Variants in HEATR5B observed in about 807,000 individuals in gnomAD.
HEATR5B encodes HEAT repeat containing 5B.
In HEATR5B, 156 loss-of-function variants were observed where a neutral mutation model predicts 224.1. The observed-to-expected ratio is 0.70, with a 90% CI of 0.61 to 0.80. The LOEUF is 0.80. HEATR5B is among the 30% of genes least tolerant of loss of function. HEATR5B has a pLI of 0.00. For missense variants in HEATR5B, 2,323 were observed against 2,535.5 expected, an observed-to-expected ratio of 0.92 and a Z score of 1.80; for synonymous variants, 1,027 against 893.0, an observed-to-expected ratio of 1.15 and a Z score of -2.68.
In HEATR5B at chr2:37,079,336, T is replaced by C. The variant is rs1249654181; in HGVS notation, c.127-5A>G. 1.3e-6 allele frequency: 2 copies of C among 1,548,766 alleles called. No individual in the cohort carries two copies. The highest frequency in any genetic ancestry group is 1.4e-5 in the African/African-American group (1 of 72,070). ...CTGTTTTTCCTTTACATCGGTCTGT[T>C]ACAAAAAAAATTTTTAAAAGAACAT... On this transcript the variant is annotated splice_region_variant and splice_polypyrimidine_tract_variant and intron_variant, in intron 2 of 35. Coordinates refer to ENST00000233099, the MANE Select transcript of HEATR5B (RefSeq NM_019024.3).
rs750667165 is a variant in HEATR5B, at chr2:37,008,644, G to A, written c.4489C>T (p.Pro1497Ser). 10 of 1,614,042 alleles carry A rather than the reference G, an allele frequency of 6.2e-6. No individual in the cohort carries two copies. The highest frequency in any genetic ancestry group is 8.5e-6 in the Non-Finnish European group (10 of 1,179,930). ...ALKDYALLTL[P>S]AEFSSQLPPD... ...GGAAGCTGACTAGAAAATTCGGCTG[G>A]TAAAGTCAAGAGTGCATAATCTTTT... The change falls in exon 28 of 36, where the codon CCA becomes TCA. Residue 1497 changes from proline (P) to serine (S), a missense_variant. By Grantham distance (74) the Pro-to-Ser change is moderately conservative. Around this residue, in one of 12 missense-constraint regions of HEATR5B, gnomAD observed 844 missense variants for 812.9 expected, o/e 1.04. Coordinates refer to ENST00000233099, the MANE Select transcript of HEATR5B (RefSeq NM_019024.3).
intron 11 of HEATR5B, among the ~76,000 whole-genome samples, chr2:37,061,513 A>G (rs1364105505): frequency 6.6e-6 from 1 of 152,224 alleles, no homozygotes; most frequent in Non-Finnish European, 1.5e-5. Context: ...TTTTGCCTAC[A>G]ATGCAGATTT....
intron 24 of HEATR5B, among the ~76,000 whole-genome samples, chr2:37,023,888 C>A (rs1043326645): frequency 1.3e-5 from 2 of 152,030 alleles, no homozygotes; most frequent in African/African-American, 4.8e-5. Context: ...TGCTTCCTCA[C>A]CTATAGGAAG....
intron 27 of HEATR5B, among the ~76,000 whole-genome samples, chr2:37,012,641 C>T (rs1336511264): frequency 2.6e-5 from 4 of 152,150 alleles, no homozygotes; most frequent in East Asian, 1.9e-4. Context: ...CCGCCTGCCT[C>T]GGCCTCCCAA....
intron 9 of HEATR5B, among the ~76,000 whole-genome samples, chr2:37,065,199 G>A (rs1671516937): frequency 6.6e-6 from 1 of 152,022 alleles, no homozygotes; most frequent in Non-Finnish European, 1.5e-5. Context: ...CAATATTGAT[G>A]TAAAATTTAA....
chr2:37,050,615 T>C (rs1670477314), intron 17 of HEATR5B, among the ~76,000 whole-genome samples: 1 of 152,226 alleles, frequency 6.6e-6, no homozygotes, highest in South Asian at 2.1e-4. Context: ...TCAGAATCAA[T>C]GGCAAATATT....
At chr2:37,037,438 T>C (rs1238994434) in intron 21 of HEATR5B, among the ~76,000 whole-genome samples, 1 of 151,922 alleles carries the variant, frequency 6.6e-6, no homozygotes, top group Non-Finnish European at 1.5e-5. Context: ...CCACAGCGCC[T>C]GGCCCAAATG....
intron 27 of HEATR5B, among the ~76,000 whole-genome samples, chr2:37,012,383 T>A (rs1372665087): frequency 6.6e-6 from 1 of 152,170 alleles, no homozygotes; most frequent in Non-Finnish European, 1.5e-5. Context: ...TGCAGTTTTT[T>A]AATTAATTAA....
intron 33 of HEATR5B, among the ~76,000 whole-genome samples, chr2:36,994,094 T>C (rs1477667226): frequency 6.6e-6 from 1 of 152,190 alleles, no homozygotes; most frequent in Non-Finnish European, 1.5e-5. Context: ...TACGTAGGAA[T>C]AGAGTCATGA....
Position 37,005,703 on chromosome 2 carries a change from T to G in HEATR5B, c.4834A>C (p.Thr1612Pro). 4 of 1,611,652 alleles carry G rather than the reference T, an allele frequency of 2.5e-6. No individual in the cohort carries two copies. The highest frequency in any genetic ancestry group is 3.4e-6 in the Non-Finnish European group (4 of 1,178,322). The change falls in exon 30 of 36, where the codon ACA becomes CCA. Residue 1612 changes from threonine (T) to proline (P), a missense_variant. Transcript: ENST00000233099. ...GTATGTAAGGCCTGCAGGCATGCTG[T>G]AACATGTTCAATGGGCTCCTCAGGT... ...PRPEEPIEHV[T>P]ACLQALHTLL...
At chr2:37,027,881 T>A (rs1176254285) in intron 24 of HEATR5B, 42 bp downstream of exon 24, 1 of 1,597,516 alleles carries the variant, frequency 6.3e-7, no homozygotes, top group African/African-American at 1.3e-5. Context: ...TGTCTCAAGG[T>A]GTAAAAATGC....
Position 37,056,505 on chromosome 2 carries a change from G to GA in HEATR5B, c.2333dup (p.Ser779LeufsTer4). ...GGGCCACAGAAGCATCAATGACTGA[G>GA]ACTCCGAGAGGGAGGGGACCAGGTA... On this transcript the variant is annotated frameshift_variant, in exon 16 of 36. Coordinates refer to ENST00000233099, the MANE Select transcript of HEATR5B (RefSeq NM_019024.3). LOFTEE classifies it high-confidence loss of function. 6.2e-7 allele frequency: 1 copy of GA among 1,613,280 alleles called. No individual in the cohort carries two copies. Among genetic ancestry groups the GA allele is most frequent in the Non-Finnish European group, 8.5e-7 (1 of 1,179,548 alleles).
chr2:37,062,032 C>T lies in HEATR5B; in HGVS notation c.1603G>A (p.Glu535Lys). 1 of 1,608,706 alleles carries T rather than the reference C, an allele frequency of 6.2e-7. No individual in the cohort carries two copies. Among genetic ancestry groups the T allele is most frequent in the Non-Finnish European group, 8.5e-7 (1 of 1,175,192 alleles). ...TGGGCAGCAGTTCGTAAAAGATCTT[C>T]AGCAATACTAACTACCATCTGCAAG... ...AKGKMVVSIAEDLLRTAAQNS... is the reference protein window; with the variant it reads ...AKGKMVVSIAKDLLRTAAQNS... The change falls in exon 11 of 36, where the codon GAA becomes AAA. Residue 535 changes from glutamate (E) to lysine (K), a missense_variant. By Grantham distance (56) the Glu-to-Lys change is moderately conservative. This residue lies in a region of HEATR5B where 502 missense variants were observed against 517.8 expected (regional missense o/e 0.97). Transcript: ENST00000233099.
rs543521478 is a variant in HEATR5B at position 36,993,498 on chromosome 2, G to A, written c.5546-2699C>T. On this transcript the variant is annotated intron_variant, in intron 33 of 35. Coordinates refer to ENST00000233099, the MANE Select transcript of HEATR5B (RefSeq NM_019024.3). ...GTGGAGGTTGCGGTGAGCCAAAATC[G>A]CGCCATTGCACTCCAGCCTGGGCAA... Among the ~76,000 whole-genome samples the A allele has an allele frequency of 6.6e-5, 10 of 150,540 alleles. No homozygotes were observed. In the South Asian group the frequency reaches 1.5e-3, roughly 22 times the overall value.
Position 37,002,502 on chromosome 2 carries a change from A to G in HEATR5B, c.5121T>C (p.Pro1707=), listed in dbSNP as rs1558714046. 3 of 1,614,216 alleles carry G rather than the reference A, an allele frequency of 1.9e-6. No individual in the cohort carries two copies. The highest frequency in any genetic ancestry group is 2.5e-6 in the Non-Finnish European group (3 of 1,180,022). ...GEGGDSGGLI[P]GKSLVFATME... is the part of the protein sequence containing the mutation. ...TAGTTGCAAACACAAGAGATTTTCC[A>G]GGAATGAGACCACCGCTGTCACCTC... The change falls in exon 32 of 36, where the codon CCT becomes CCC. Residue 1707 remains proline, a synonymous_variant. Coordinates refer to ENST00000233099, the MANE Select transcript of HEATR5B (RefSeq NM_019024.3).
At chr2:37,059,679 G>A (rs566712339) in intron 12 of HEATR5B, among the ~76,000 whole-genome samples, 129 of 151,700 alleles carry the variant, frequency 8.5e-4, no homozygotes, top group South Asian at 1.7e-3. Flanking sequence ...GGTCAGGCTG[G>A]TCTAGAACTC....
At chr2:37,032,118 C>A (rs1669171989) in intron 22 of HEATR5B, among the ~76,000 whole-genome samples, 1 of 152,166 alleles carries the variant, frequency 6.6e-6, no homozygotes. Context: ...TAACTACCAC[C>A]CAGAACTGGA....
intron 33 of HEATR5B, among the ~76,000 whole-genome samples, chr2:36,997,630 G>A (rs1399286903): frequency 1.0e-4 from 15 of 144,788 alleles, no homozygotes; most frequent in African/African-American, 2.6e-5. Flanking sequence ...GCAGTGGCGC[G>A]ATCTCGGCTC....
At chr2:37,022,549 T>C (rs1668529406) in intron 24 of HEATR5B, among the ~76,000 whole-genome samples, 1 of 152,132 alleles carries the variant, frequency 6.6e-6, no homozygotes, top group African/African-American at 2.4e-5. Context: ...AGACAATACG[T>C]AGAGAAATGA....
Sources: allele counts gnomAD v4.1 joint callset (sites outside exome capture counted in the v4.1 genomes callset), GRCh38; gene constraint gnomAD v4.1.1; regional missense constraint gnomAD v4.1.1; transcripts MANE v1.5; gene names NCBI Gene and HGNC (gene_info 2026-07-23, HGNC 2026-07-21).